TMEM71: variants seen among roughly 807,000 people sequenced by gnomAD.
The protein encoded by TMEM71 is transmembrane protein 71.
Under a neutral mutation model 38.0 loss-of-function variants are expected in TMEM71, and 44 were observed. The ratio of observed to expected loss-of-function variants is 1.16; its 90% CI spans 0.91 to 1.49. The LOEUF (loss-of-function observed/expected upper bound fraction) is 1.49, where lower values mean the gene tolerates loss of function less well. Ranked by LOEUF, TMEM71 falls within the 40% of genes most tolerant of loss-of-function variation. TMEM71 has a pLI of 0.00. For synonymous variants in TMEM71, 133 were observed against 122.5 expected, an observed-to-expected ratio of 1.09 and a Z score of -0.56; for missense variants, 367 against 348.6, an observed-to-expected ratio of 1.05 and a Z score of -0.42.
chr8:132,708,505 C>T (rs1009831029), downstream of TMEM71, among the ~76,000 whole-genome samples: 1 of 152,172 alleles, frequency 6.6e-6, no homozygotes, highest in Non-Finnish European at 1.5e-5. Flanking sequence ...TTAGAACACA[C>T]ATTAATCTCA....
chr8:132,713,888 A>AG, intron 9 of TMEM71, 107 bp downstream of exon 9: 1 of 1,059,038 alleles, frequency 9.4e-7, no homozygotes, highest in Non-Finnish European at 1.4e-6. Flanking sequence ...ACGAATGATC[A>AG]GGATGTTTCC....
At position 132,727,983 on chromosome 8, in the gene TMEM71, T is replaced by C. The variant is rs34949262; in HGVS notation, c.491A>G (p.Asp164Gly). 8.9e-4 allele frequency: 1,433 copies of C among 1,608,898 alleles called. 8 individuals carry two copies. In the African/African-American group the frequency reaches 0.016, roughly 18 times the overall value. The change falls in exon 6 of 10, where the codon GAT (aspartate) becomes GGT (glycine). Residue 164 changes from aspartate to glycine, a missense_variant. Coordinates refer to ENST00000677595, the MANE Select transcript of TMEM71 (RefSeq NM_001382403.1). ...LDTDHCNGNA[D>G]DLDCSSLTDD... is the part of the protein sequence containing the mutation. The stretch of plus-strand genomic sequence containing the variant: ...AGTCAGAGAAGAACAGTCTAAATCA[T>C]CTGCTGAAAAAGCAGAGGGGTTCAG...
the TMEM71 span, chr8:132,775,715 C>T: frequency 3.2e-6 from 1 of 309,008 alleles, no homozygotes; most frequent in Non-Finnish European, 5.9e-6. Flanking sequence ...CGCCCCCATT[C>T]TGGTGTCTCT....
intron 5 of TMEM71, among the ~76,000 whole-genome samples, chr8:132,739,646 C>A (rs1051049445): frequency 3.3e-5 from 5 of 151,982 alleles, no homozygotes; most frequent in African/African-American, 1.2e-4. Flanking sequence ...TTAACTTGGG[C>A]GAGTTCCTTA....
chr8:132,740,345 C>T (rs2131122330), intron 5 of TMEM71, among the ~76,000 whole-genome samples: 1 of 152,300 alleles, frequency 6.6e-6, no homozygotes, highest in South Asian at 2.1e-4. Flanking sequence ...TCAATGAGGC[C>T]TTCTCTAACC....
At chr8:132,725,856 A>T (rs1200484005) in intron 6 of TMEM71, among the ~76,000 whole-genome samples, 1 of 152,188 alleles carries the variant, frequency 6.6e-6, no homozygotes, top group Non-Finnish European at 1.5e-5. Flanking sequence ...AGCAGGTGGG[A>T]GAGAGATTCC....
At chr8:132,739,569 C>T (rs1827930203) in intron 5 of TMEM71, among the ~76,000 whole-genome samples, 1 of 152,068 alleles carries the variant, frequency 6.6e-6, no homozygotes, top group African/African-American at 2.4e-5. Flanking sequence ...CCTCGGCCTC[C>T]CAAAGTGCTG....
the TMEM71 span, among the ~76,000 whole-genome samples, chr8:132,767,765 G>A: frequency 2.1e-3 from 324 of 152,248 alleles, 6 homozygotes; most frequent in East Asian, 0.049. Context: ...GTGAGCCACC[G>A]CGCCCGGCCT....
At chr8:132,741,146 C>T (rs887687104) in intron 5 of TMEM71, among the ~76,000 whole-genome samples, 7 of 152,090 alleles carry the variant, frequency 4.6e-5, no homozygotes, top group East Asian at 1.9e-4. Context: ...GGGTGGATCA[C>T]GAGGTCAGGA....
At chr8:132,734,926 G>A (rs1827663171) in intron 5 of TMEM71, among the ~76,000 whole-genome samples, 1 of 152,108 alleles carries the variant, frequency 6.6e-6, no homozygotes, top group African/African-American at 2.4e-5. Context: ...ATATAAAAAT[G>A]GGCATTATTT....
At chr8:132,742,840 C>A (rs1299908552) in intron 5 of TMEM71, among the ~76,000 whole-genome samples, 1 of 152,054 alleles carries the variant, frequency 6.6e-6, no homozygotes, top group African/African-American at 2.4e-5. Flanking sequence ...GGGCAATTTA[C>A]GAAAGAAAGA....
rs138117721 is a variant in TMEM71, at chr8:132,757,308, TGA to T, written c.41-16_41-15del. On this transcript the variant is annotated splice_polypyrimidine_tract_variant and intron_variant, in intron 2 of 9. Coordinates refer to ENST00000677595, the MANE Select transcript of TMEM71 (RefSeq NM_001382403.1). ...ACCTGGAAGAACCTGCATAAACAAATGAGAGAGAAGTAGAATGTATCATACCT... is the reference window on the plus strand; with the variant it reads ...ACCTGGAAGAACCTGCATAAACAAATGAGAGAAGTAGAATGTATCATACCT... The T allele has an allele frequency of 0.4, 625,075 of 1,578,362 alleles. 130,468 individuals carry two copies. The highest frequency in any genetic ancestry group is 0.53 in the Admixed American group (31,719 of 59,628).
intron 4 of TMEM71, among the ~76,000 whole-genome samples, chr8:132,747,653 G>A (rs1235281312): frequency 1.3e-5 from 2 of 152,182 alleles, no homozygotes; most frequent in Non-Finnish European, 2.9e-5. Context: ...TTACCTAGAG[G>A]CTGCTGTGAG....
At chr8:132,747,843 G>T (rs1828479204) in intron 4 of TMEM71, among the ~76,000 whole-genome samples, 1 of 152,194 alleles carries the variant, frequency 6.6e-6, no homozygotes, top group Non-Finnish European at 1.5e-5. Flanking sequence ...CTTCTTATAT[G>T]CTACAAGGGA....
chr8:132,713,908 C>T (rs891367453), intron 9 of TMEM71, 87 bp downstream of exon 9: 12 of 1,267,602 alleles, frequency 9.5e-6, no homozygotes, highest in Non-Finnish European at 1.4e-5. Context: ...CTGTCATTGC[C>T]ATCTACTATG....
chr8:132,714,011 T>C lies in TMEM71; in HGVS notation c.856A>G (p.Thr286Ala). Residue 286 changes from threonine (T) to alanine (A), a missense_variant, in exon 9 of 10, where the codon ACC (threonine) becomes GCC (alanine). Thr to Ala is a moderately conservative substitution (Grantham distance 58). Transcript: ENST00000677595. ...LFLSLASYFK[T>A]TACARFVKI ...AACACTTACCGAGCACAGGCAGTGG[T>C]TTTGAAATAGCTGGCAAGGCTGAGA... The C allele has an allele frequency of 3.7e-6, 6 of 1,613,910 alleles. No homozygotes were observed. The highest frequency in any genetic ancestry group is 5.1e-6 in the Non-Finnish European group (6 of 1,179,864).
intron 4 of TMEM71, among the ~76,000 whole-genome samples, chr8:132,750,652 T>C (rs1563755399): frequency 6.6e-6 from 1 of 152,220 alleles, no homozygotes; most frequent in South Asian, 2.1e-4. Context: ...CACAGCTTTA[T>C]TGTGTCAATA....
intron 4 of TMEM71, among the ~76,000 whole-genome samples, chr8:132,747,671 G>A (rs890091989): frequency 2.6e-5 from 4 of 152,222 alleles, no homozygotes; most frequent in African/African-American, 7.2e-5. Context: ...GAGGGCACCA[G>A]GAGTGGCAGT....
chr8:132,706,951 A>G (rs1161656632), downstream of TMEM71, among the ~76,000 whole-genome samples: 1 of 152,098 alleles, frequency 6.6e-6, no homozygotes, highest in Non-Finnish European at 1.5e-5. Flanking sequence ...CACAAAATTC[A>G]AAACAAAAAA....
Sources: allele counts gnomAD v4.1 joint callset (sites outside exome capture counted in the v4.1 genomes callset), GRCh38; gene constraint gnomAD v4.1.1; transcripts MANE v1.5; gene names NCBI Gene and HGNC (gene_info 2026-07-23, HGNC 2026-07-21).